ATP1A4: variants seen among roughly 807,000 people sequenced by gnomAD.
ATP1A4 encodes the protein sodium/potassium-transporting ATPase subunit alpha-4.
In ATP1A4, 90 loss-of-function variants were observed where a neutral mutation model predicts 114.3. That is an observed-to-expected ratio of 0.79 (90% CI 0.66 to 0.94). The LOEUF (loss-of-function observed/expected upper bound fraction) is 0.94, where lower values mean the gene tolerates loss of function less well. ATP1A4 is among the 40% of genes least tolerant of loss of function. The probability of loss-of-function intolerance (pLI) is 0.00; values close to 1 mark genes in which losing one functional copy is unlikely to be tolerated. For synonymous variants in ATP1A4, 511 were observed against 494.1 expected, an observed-to-expected ratio of 1.03 and a Z score of -0.45; for missense variants, 1,222 against 1,313.6, an observed-to-expected ratio of 0.93 and a Z score of 1.08.
At chr1:160,173,775 A>G in intron 13 of ATP1A4, 58 bp downstream of exon 13, 1 of 1,573,760 alleles carries the variant, frequency 6.4e-7, no homozygotes, top group Non-Finnish European at 8.7e-7. Flanking sequence ...AGCCTGCCCC[A>G]CCCAGATGCC....
chr1:160,173,809 T>C, intron 13 of ATP1A4, 92 bp downstream of exon 13: 1 of 1,469,920 alleles, frequency 6.8e-7, no homozygotes. Flanking sequence ...TCTTGGAGTC[T>C]CCTTCAATAG....
intron 1 of ATP1A4, among the ~76,000 whole-genome samples, chr1:160,152,439 T>A (rs1652491751): frequency 6.6e-6 from 1 of 152,096 alleles, no homozygotes; most frequent in African/African-American, 2.4e-5. Context: ...CACAGTCCAC[T>A]GCCACTTACA....
At position 160,186,367 on chromosome 1, in the gene ATP1A4, G is replaced by A. The variant is rs1396785118; in HGVS notation, c.3061G>A (p.Gly1021Ser). The change falls in exon 21 of 22, where the codon GGC becomes AGC. Residue 1021 changes from glycine to serine, a missense_variant and splice_region_variant. By Grantham distance (56) the Gly-to-Ser change is moderately conservative (BLOSUM62 0). Coordinates refer to ENST00000368081, the MANE Select transcript of ATP1A4 (RefSeq NM_144699.4). ...RKLLIRQHPD[G>S]WVERETYY Reference sequence around the variant, plus strand: ...ACTCCTCATCCGTCAGCACCCGGATGGTGAGGCTCCCCTGGGCCCCGCTCT... The same window carrying A: ...ACTCCTCATCCGTCAGCACCCGGATAGTGAGGCTCCCCTGGGCCCCGCTCT... 2 of 1,611,088 alleles carry A rather than the reference G, an allele frequency of 1.2e-6. No individual in the cohort carries two copies. Among genetic ancestry groups the A allele is most frequent in the South Asian group, 2.2e-5 (2 of 90,938 alleles).
At chr1:160,174,819 T>C in intron 15 of ATP1A4, 72 bp downstream of exon 15, 1 of 1,586,788 alleles carries the variant, frequency 6.3e-7, no homozygotes, top group Admixed American at 1.7e-5. Context: ...ACATCCCCTC[T>C]TTCCGTTTTC....
At chr1:160,183,043 T>C (rs1168061017) in intron 20 of ATP1A4, 1 of 152,260 alleles carries the variant, frequency 6.6e-6, no homozygotes, top group Non-Finnish European at 1.5e-5. Flanking sequence ...TTTTACACGA[T>C]GTTTTATACA....
rs191312382 is a variant in ATP1A4, at chr1:160,164,537, T to C, written c.1047+113T>C. 1.8e-4 allele frequency: 197 copies of C among 1,078,170 alleles called. No homozygotes were observed. The African/African-American group carries it at 2.8e-3, about 15-fold the overall frequency. The allele number at this position is 1,078,170 out of a possible 1,614,324, so 66.8% of individuals were successfully genotyped here. A position where few individuals can be genotyped will look rare whatever the true frequency, so the allele number is the denominator to read the frequency against. The stretch of plus-strand genomic sequence containing the variant: ...TTTCAAGTGCAGGGTCTTCCTGATA[T>C]GTAAATAGGTATCAGGAATAATTTA... On this transcript the variant is annotated intron_variant, in intron 7 of 21. Transcript: ENST00000368081.
chr1:160,171,481 A>C (rs1653256155), intron 11 of ATP1A4, 41 bp downstream of exon 11: 2 of 1,608,328 alleles, frequency 1.2e-6, no homozygotes, highest in Non-Finnish European at 1.7e-6. Flanking sequence ...AATGGCATCA[A>C]AATGGTTATT....
intron 6 of ATP1A4, among the ~76,000 whole-genome samples, chr1:160,160,276 G>A (rs1170673481): frequency 6.6e-6 from 1 of 152,118 alleles, no homozygotes; most frequent in Non-Finnish European, 1.5e-5. Flanking sequence ...GAATGCAGTG[G>A]TGTGATCTCA....
rs754439093 is a variant in ATP1A4, at chr1:160,174,211, C to G, written c.2092C>G (p.Arg698Gly). 6.2e-7 allele frequency: 1 copy of G among 1,614,012 alleles called. No homozygotes were observed. Among genetic ancestry groups the G allele is most frequent in the Admixed American group, 1.7e-5 (1 of 59,992 alleles). ...GAACCACCCTGAGATCGTGTTTGCTCGGACCTCCCCTCAGCAGAAGCTCAT... is the reference window on the plus strand; with the variant it reads ...GAACCACCCTGAGATCGTGTTTGCTGGGACCTCCCCTCAGCAGAAGCTCAT... ...LQNHPEIVFA[R>G]TSPQQKLIIV... The change falls in exon 14 of 22, where the codon CGG becomes GGG. Residue 698 changes from arginine to glycine, a missense_variant. Arg to Gly is a moderately radical substitution (Grantham distance 125). Transcript: ENST00000368081.
chr1:160,164,484 T>C, intron 7 of ATP1A4, 60 bp downstream of exon 7: 1 of 1,560,018 alleles, frequency 6.4e-7, no homozygotes, highest in East Asian at 2.2e-5. Flanking sequence ...GGAAAAGGGA[T>C]CACTAGCGTC....
Position 160,176,464 on chromosome 1 carries a change from C to T in ATP1A4, c.2467-15C>T, listed in dbSNP as rs765373290. 3.7e-6 allele frequency: 6 copies of T among 1,614,026 alleles called. No homozygotes were observed. The highest frequency in any genetic ancestry group is 5.1e-6 in the Non-Finnish European group (6 of 1,180,006). On this transcript the variant is annotated splice_polypyrimidine_tract_variant and intron_variant, in intron 16 of 21. Transcript: ENST00000368081. ...AACTTTGTGACCCCTGTCATCCCCA[C>T]CCTCCATCCTCCAGGTCCCTGCCAT...
At chr1:160,166,770 G>A (rs1653054763) in intron 8 of ATP1A4, 44 bp downstream of exon 8, 1 of 1,610,972 alleles carries the variant, frequency 6.2e-7, no homozygotes, top group Non-Finnish European at 8.5e-7. Flanking sequence ...GGATTTGGGG[G>A]ATGTGATGAG....
At chr1:160,177,465 T>C in intron 17 of ATP1A4, 54 bp from the exon 18 acceptor site, 1 of 1,597,234 alleles carries the variant, frequency 6.3e-7, no homozygotes, top group South Asian at 1.1e-5. Context: ...GGCCTACCTT[T>C]TGGGGCCCTT....
At chr1:160,178,010 T>G (rs116354375) in intron 18 of ATP1A4, among the ~76,000 whole-genome samples, 1,661 of 152,304 alleles carry the variant, frequency 0.011, 32 homozygotes, top group African/African-American at 0.038. Context: ...CAGAAATAAA[T>G]GCTGGGTCCT....
At chr1:160,176,664 G>C in intron 17 of ATP1A4, 62 bp downstream of exon 17, 4 of 1,593,346 alleles carry the variant, frequency 2.5e-6, no homozygotes, top group Non-Finnish European at 3.4e-6. Flanking sequence ...CTGGCAACGT[G>C]AGCCATCTCA....
chr1:160,184,349 C>T (rs1266568352), intron 20 of ATP1A4, among the ~76,000 whole-genome samples: 1 of 151,944 alleles, frequency 6.6e-6, no homozygotes, highest in East Asian at 1.9e-4. Flanking sequence ...AGTTCAAGAC[C>T]AGCCTGTACA....
At chr1:160,173,823 G>A in intron 13 of ATP1A4, 106 bp downstream of exon 13, 4 of 1,382,088 alleles carry the variant, frequency 2.9e-6, no homozygotes, top group East Asian at 2.5e-5. Flanking sequence ...TCAATAGGTA[G>A]GATGTGTGGG....
At chr1:160,159,349 TAAATAAA>T in intron 5 of ATP1A4, 53 bp from the exon 6 acceptor site, 1 of 1,465,860 alleles carries the variant, frequency 6.8e-7, no homozygotes. Flanking sequence ...ACTATTTTTG[TAAATAAA>T]TCTGCCTTTT....
chr1:160,161,527 T>A (rs80251096), intron 6 of ATP1A4, among the ~76,000 whole-genome samples: 147 of 152,178 alleles, frequency 9.7e-4, no homozygotes, highest in Non-Finnish European at 1.5e-3. Flanking sequence ...AAATCCCGTT[T>A]CTCCAAGTGT....
Sources: allele counts gnomAD v4.1 joint callset (sites outside exome capture counted in the v4.1 genomes callset), GRCh38; gene constraint gnomAD v4.1.1; transcripts MANE v1.5; gene names NCBI Gene and HGNC (gene_info 2026-07-23, HGNC 2026-07-21).